The following EYA1 variants were observed in gnomAD, a reference collection of about 807,000 sequenced individuals.
EYA1 encodes the protein protein phosphatase EYA1.
Under a neutral mutation model 82.0 loss-of-function variants are expected in EYA1, and 16 were observed. The ratio of observed to expected loss-of-function variants is 0.20; its 90% CI spans 0.13 to 0.30. EYA1 has a LOEUF of 0.30. Among genes scored for constraint, EYA1 ranks in the 10% least tolerant of loss-of-function variants. The pLI is 1.00. For missense variants in EYA1, 633 were observed against 730.7 expected, an observed-to-expected ratio of 0.87 and a Z score of 1.54; for synonymous variants, 261 against 264.4, an observed-to-expected ratio of 0.99 and a Z score of 0.12.
chr8:71,299,376 G>A lies in EYA1; in HGVS notation c.640-143C>T. ...GGCATACAAGTACACATTAACTAAAGAGCTCAGACTTGCAAACAAATTTTA... is the reference window on the plus strand; with the variant it reads ...GGCATACAAGTACACATTAACTAAAAAGCTCAGACTTGCAAACAAATTTTA... On this transcript the variant is annotated intron_variant, in intron 8 of 17. Coordinates refer to ENST00000340726, the MANE Select transcript of EYA1 (RefSeq NM_000503.6). 5 of 860,266 alleles carry A rather than the reference G, an allele frequency of 5.8e-6. 1 individual carries two copies. The South Asian group carries it at 7.1e-5, about 12-fold the overall frequency. 53.3% of individuals were successfully genotyped at this position (860,266 alleles called of 1,614,324 possible). A position where few individuals can be genotyped will look rare whatever the true frequency, so the allele number is the denominator to read the frequency against.
chr8:71,521,685 C>T (rs1813412222), intron 2 of EYA1, among the ~76,000 whole-genome samples: 1 of 151,872 alleles, frequency 6.6e-6, no homozygotes, highest in Non-Finnish European at 1.5e-5. Flanking sequence ...CTTCTTTTTT[C>T]CCCCAAATGC....
intron 2 of EYA1, among the ~76,000 whole-genome samples, chr8:71,384,019 CT>C (rs150499024): frequency 1.6e-4 from 24 of 148,678 alleles, no homozygotes; most frequent in Admixed American, 4.7e-4. Flanking sequence ...ACTATCTTTA[CT>C]TTTTTTTTTA....
At chr8:71,309,871 C>T (rs998205864) in intron 7 of EYA1, among the ~76,000 whole-genome samples, 2 of 152,102 alleles carry the variant, frequency 1.3e-5, no homozygotes, top group Non-Finnish European at 2.9e-5. Context: ...AGTTTGAACC[C>T]CAATCTCTTT....
intron 2 of EYA1, among the ~76,000 whole-genome samples, chr8:71,514,692 T>C (rs1204785333): frequency 6.6e-6 from 1 of 152,206 alleles, no homozygotes; most frequent in Middle Eastern, 3.4e-3. Context: ...ACAGGAAAGA[T>C]GGGCCCCCAT....
chr8:71,464,035 A>G (rs988911094), intron 2 of EYA1, among the ~76,000 whole-genome samples: 6 of 152,086 alleles, frequency 3.9e-5, no homozygotes, highest in Non-Finnish European at 7.4e-5. Flanking sequence ...TAATAACAGA[A>G]CCCACTAAAC....
chr8:71,334,016 T>C, intron 4 of EYA1, 81 bp downstream of exon 4: 1 of 928,484 alleles, frequency 1.1e-6, no homozygotes, highest in African/African-American at 1.6e-5. Flanking sequence ...CATGTATACA[T>C]ATACATACAC....
At chr8:71,277,120 T>A (rs1221304433) in intron 9 of EYA1, among the ~76,000 whole-genome samples, 1 of 32,552 alleles carries the variant, frequency 3.1e-5, no homozygotes, top group Non-Finnish European at 6.1e-5. Context: ...CACACATTTT[T>A]TTTTTTTTTT....
intron 2 of EYA1, among the ~76,000 whole-genome samples, chr8:71,372,643 T>C (rs2129091203): frequency 6.6e-6 from 1 of 152,194 alleles, no homozygotes; most frequent in Admixed American, 6.5e-5. Context: ...AACACTTTCA[T>C]GAAGATGAGG....
intron 2 of EYA1, among the ~76,000 whole-genome samples, chr8:71,533,003 C>T (rs1425185582): frequency 6.6e-6 from 1 of 152,154 alleles, no homozygotes; most frequent in African/African-American, 2.4e-5. Context: ...AGACATGGTC[C>T]TAGGTGAAAG....
intron 9 of EYA1, among the ~76,000 whole-genome samples, chr8:71,277,235 T>C (rs989714649): frequency 8.7e-5 from 13 of 148,646 alleles, no homozygotes; most frequent in Admixed American, 8.3e-4. Context: ...AATTCCTTGG[T>C]TCAAGGGACC....
In EYA1 at chr8:71,198,817, C is replaced by T. The variant is rs965624532; in HGVS notation, c.*523G>A. 8.3e-6 allele frequency: 1 copy of T among 121,142 alleles called. No individual in the cohort carries two copies. Among genetic ancestry groups the T allele is most frequent in the African/African-American group, 3.8e-5 (1 of 26,522 alleles). 7.5% of individuals were successfully genotyped at this position (121,142 alleles called of 1,614,324 possible). A position where few individuals can be genotyped will look rare whatever the true frequency, so the allele number is the denominator to read the frequency against. On this transcript the variant is annotated 3_prime_UTR_variant, in exon 18 of 18. Transcript: ENST00000340726. Reference sequence around the variant, plus strand: ...AAAGTCTGGTGGGTGAATTATACCTCAATAAAGCTGTTTTTTTATCTTTTT... The same window carrying T: ...AAAGTCTGGTGGGTGAATTATACCTTAATAAAGCTGTTTTTTTATCTTTTT...
At chr8:71,342,451 A>G (rs1234902859) in intron 3 of EYA1, among the ~76,000 whole-genome samples, 1 of 152,076 alleles carries the variant, frequency 6.6e-6, no homozygotes, top group Admixed American at 6.6e-5. Context: ...TACTCAGCTC[A>G]GATTCCATCT....
chr8:71,415,529 G>C (rs1331934838), intron 2 of EYA1, among the ~76,000 whole-genome samples: 1 of 152,196 alleles, frequency 6.6e-6, no homozygotes, highest in Non-Finnish European at 1.5e-5. Context: ...CTCTGCTTCA[G>C]TCTGTCCTCT....
intron 16 of EYA1, among the ~76,000 whole-genome samples, chr8:71,213,277 T>G (rs1808760796): frequency 6.6e-6 from 1 of 152,230 alleles, no homozygotes; most frequent in South Asian, 2.1e-4. Context: ...GGGATTAAAC[T>G]TCAATGCACA....
At chr8:71,301,461 T>C (rs1820190189) in intron 7 of EYA1, among the ~76,000 whole-genome samples, 1 of 152,198 alleles carries the variant, frequency 6.6e-6, no homozygotes, top group African/African-American at 2.4e-5. Flanking sequence ...TTTCCCTCTT[T>C]TACTTTCCCG....
At chr8:71,494,462 T>A (rs1811264413) in intron 2 of EYA1, among the ~76,000 whole-genome samples, 1 of 152,216 alleles carries the variant, frequency 6.6e-6, no homozygotes, top group African/African-American at 2.4e-5. Flanking sequence ...TAGGTTAAGA[T>A]AAATTATTTT....
Position 71,275,780 on chromosome 8 carries a change from CAG to C in EYA1, c.827-3885_827-3884del, listed in dbSNP as rs1817096459. Among the ~76,000 whole-genome samples the C allele has an allele frequency of 2.3e-4, 35 of 152,316 alleles. No homozygotes were observed. In the South Asian group the frequency reaches 6.8e-3, roughly 30 times the overall value. ...TCAAGGAGGCAGAAGAGTGAAACAA[CAG>C]GGGGTAAAACTCCTAAACTGTTACT... On this transcript the variant is annotated intron_variant, in intron 9 of 17. Coordinates refer to ENST00000340726, the MANE Select transcript of EYA1 (RefSeq NM_000503.6).
intron 2 of EYA1, among the ~76,000 whole-genome samples, chr8:71,480,340 C>T (rs528893226): frequency 2.0e-5 from 3 of 152,038 alleles, no homozygotes; most frequent in South Asian, 2.1e-4. Flanking sequence ...ATGAGATTAC[C>T]GGGGTACAAA....
chr8:71,339,830 T>C (rs1302477815), intron 3 of EYA1, among the ~76,000 whole-genome samples: 1 of 152,204 alleles, frequency 6.6e-6, no homozygotes, highest in African/African-American at 2.4e-5. Flanking sequence ...CAATATAACA[T>C]AGCAATAGTT....
Sources: allele counts gnomAD v4.1 joint callset (sites outside exome capture counted in the v4.1 genomes callset), GRCh38; gene constraint gnomAD v4.1.1; transcripts MANE v1.5; gene names NCBI Gene and HGNC (gene_info 2026-07-23, HGNC 2026-07-21).